Variants in SDCCAG8 observed in about 807,000 individuals in gnomAD.
The protein encoded by SDCCAG8 is serologically defined colon cancer antigen 8.
Under a neutral mutation model 101.8 loss-of-function variants are expected in SDCCAG8, and 74 were observed. The ratio of observed to expected loss-of-function variants is 0.73; its 90% CI spans 0.60 to 0.88. SDCCAG8 has a LOEUF of 0.88. Ranked by LOEUF, SDCCAG8 falls within the 40% of genes least tolerant of loss-of-function variation. The probability of loss-of-function intolerance (pLI) is 0.00; values close to 1 mark genes in which losing one functional copy is unlikely to be tolerated. For synonymous variants in SDCCAG8, 281 were observed against 292.9 expected (o/e 0.96, Z 0.41); for missense variants, 787 against 822.6 (o/e 0.96, Z 0.53).
At position 243,447,264 on chromosome 1, in the gene SDCCAG8, A is replaced by C. The variant is rs1288686249; in HGVS notation, c.1985+20706A>C. On this transcript the variant is annotated intron_variant, in intron 16 of 17. Coordinates refer to ENST00000366541, the MANE Select transcript of SDCCAG8 (RefSeq NM_006642.5). The stretch of plus-strand genomic sequence containing the variant: ...ACTTCGTCTCAAAAAAAAAAAAAAA[A>C]AAAAAAAAAAAACCATGCCTCATTC... Among the ~76,000 whole-genome samples, 7 of 150,532 alleles carry C rather than the reference A, an allele frequency of 4.7e-5. No homozygotes were observed. The South Asian group carries it at 1.0e-3, about 23-fold the overall frequency.
At chr1:243,437,531 CTTTTTTTTT>C (rs931257839) in intron 16 of SDCCAG8, among the ~76,000 whole-genome samples, 1 of 129,588 alleles carries the variant, frequency 7.7e-6, no homozygotes, top group African/African-American at 2.9e-5. Flanking sequence ...TGGAGGAATT[CTTTTTTTTT>C]TTTTTTTTTG....
chr1:243,351,010 T>G (rs2076054855), intron 12 of SDCCAG8, among the ~76,000 whole-genome samples: 1 of 152,230 alleles, frequency 6.6e-6, no homozygotes, highest in South Asian at 2.1e-4. Flanking sequence ...CGTTCTATTC[T>G]CTGCTTTGTG....
At chr1:243,464,991 A>G (rs1266583023) in intron 16 of SDCCAG8, among the ~76,000 whole-genome samples, 1 of 152,268 alleles carries the variant, frequency 6.6e-6, no homozygotes, top group African/African-American at 2.4e-5. Flanking sequence ...CTGGACTGTA[A>G]CAGTGACTCC....
chr1:243,303,723 G>A (rs567669808), intron 6 of SDCCAG8, among the ~76,000 whole-genome samples: 86 of 152,058 alleles, frequency 5.7e-4, no homozygotes, highest in African/African-American at 2.0e-3. Flanking sequence ...TTATATTATT[G>A]TTAAGTCTTC....
At chr1:243,353,321 C>T (rs2076188876) in intron 12 of SDCCAG8, among the ~76,000 whole-genome samples, 1 of 150,712 alleles carries the variant, frequency 6.6e-6, no homozygotes, top group African/African-American at 2.4e-5. Flanking sequence ...TAAAACCGTG[C>T]ATCTACTAAA....
At chr1:243,359,191 A>G (rs1459469586) in intron 12 of SDCCAG8, among the ~76,000 whole-genome samples, 1 of 152,148 alleles carries the variant, frequency 6.6e-6, no homozygotes, top group Admixed American at 6.5e-5. Context: ...CTGAAGTTCA[A>G]TCATTGGAAG....
intron 13 of SDCCAG8, among the ~76,000 whole-genome samples, chr1:243,381,917 A>G (rs1352094838): frequency 1.3e-5 from 2 of 152,324 alleles, no homozygotes; most frequent in East Asian, 1.9e-4. Context: ...AAGAAAGCTG[A>G]TATCAGGGAA....
intron 13 of SDCCAG8, among the ~76,000 whole-genome samples, chr1:243,381,582 C>T (rs1216269199): frequency 1.3e-5 from 2 of 151,672 alleles, no homozygotes; most frequent in Non-Finnish European, 2.9e-5. Context: ...GAGTAAGACC[C>T]TGTCTCTAAA....
chr1:243,290,409 G>C (rs931768170), intron 5 of SDCCAG8, among the ~76,000 whole-genome samples: 1 of 152,012 alleles, frequency 6.6e-6, no homozygotes. Context: ...AGTGATCTGT[G>C]GTCTACATGC....
intron 16 of SDCCAG8, among the ~76,000 whole-genome samples, chr1:243,467,661 A>T (rs1330098048): frequency 6.6e-6 from 1 of 152,196 alleles, no homozygotes; most frequent in East Asian, 1.9e-4. Flanking sequence ...TGGATAGTTC[A>T]TTTTTACTGA....
At chr1:243,487,574 G>A (rs1665236173) in intron 16 of SDCCAG8, among the ~76,000 whole-genome samples, 1 of 152,222 alleles carries the variant, frequency 6.6e-6, no homozygotes, top group African/African-American at 2.4e-5. Flanking sequence ...TGGAGGCAGG[G>A]CAGGGCCTGG....
At chr1:243,493,841 A>G (rs1667172872) in intron 17 of SDCCAG8, among the ~76,000 whole-genome samples, 1 of 151,930 alleles carries the variant, frequency 6.6e-6, no homozygotes, top group Non-Finnish European at 1.5e-5. Context: ...ACAGAGACAC[A>G]GAAGATGATG....
intron 4 of SDCCAG8, among the ~76,000 whole-genome samples, chr1:243,280,056 A>G (rs1337947516): frequency 2.6e-5 from 4 of 152,118 alleles, no homozygotes; most frequent in African/African-American, 9.7e-5. Context: ...AAAGGTTGCT[A>G]ATTATTGATT....
chr1:243,285,126 C>T (rs1206359364), intron 4 of SDCCAG8, among the ~76,000 whole-genome samples: 1 of 152,266 alleles, frequency 6.6e-6, no homozygotes, highest in African/African-American at 2.4e-5. Context: ...CATGATCTGC[C>T]CACCTCAGCC....
intron 15 of SDCCAG8, among the ~76,000 whole-genome samples, chr1:243,423,098 T>C (rs1000289155): frequency 5.3e-5 from 8 of 151,994 alleles, no homozygotes; most frequent in African/African-American, 1.9e-4. Context: ...AAATTTTTAT[T>C]GAAAAATGGA....
At chr1:243,482,945 G>A (rs952323685) in intron 16 of SDCCAG8, among the ~76,000 whole-genome samples, 1 of 152,196 alleles carries the variant, frequency 6.6e-6, no homozygotes, top group African/African-American at 2.4e-5. Context: ...CAGGCTGTGG[G>A]GGGCTTCTTG....
At chr1:243,429,827 G>T (rs1213388663) in intron 16 of SDCCAG8, among the ~76,000 whole-genome samples, 1 of 151,360 alleles carries the variant, frequency 6.6e-6, no homozygotes, top group Non-Finnish European at 1.5e-5. Flanking sequence ...TCAGCCTCCG[G>T]AGTAGCTGGG....
intron 6 of SDCCAG8, among the ~76,000 whole-genome samples, chr1:243,294,526 A>AGAGAGAGAGAGAGAGAGAGAGAGAGAGAG (rs1553298249): frequency 4.7e-5 from 7 of 147,548 alleles, no homozygotes; most frequent in Non-Finnish European, 6.0e-5. Flanking sequence ...AGAGAGAGAG[A>AGAGAGAGAGAGAGAGAGAGAGAGAGAGAG]ACAACCCACC....
intron 13 of SDCCAG8, among the ~76,000 whole-genome samples, chr1:243,409,576 C>T (rs2080023918): frequency 6.6e-6 from 1 of 151,994 alleles, no homozygotes; most frequent in African/African-American, 2.4e-5. Context: ...ATGCTGATTC[C>T]AAGACTGGTA....
Sources: gnomAD v4.1 joint callset for allele counts (sites outside exome capture counted in the v4.1 genomes callset) on GRCh38, gnomAD v4.1.1 for gene constraint, MANE v1.5 for transcripts, NCBI Gene and HGNC (gene_info 2026-07-23, HGNC 2026-07-21) for gene names.